The following EPCAM variants were observed in gnomAD, a reference collection of about 807,000 sequenced individuals.
The protein encoded by EPCAM is epithelial cell adhesion molecule.
Under a neutral mutation model 40.0 loss-of-function variants are expected in EPCAM, and 39 were observed. The ratio of observed to expected loss-of-function variants is 0.98; its 90% CI spans 0.76 to 1.27. The LOEUF (loss-of-function observed/expected upper bound fraction) is 1.27, where lower values mean the gene tolerates loss of function less well. Ranked by LOEUF, EPCAM falls within the 50% of genes most tolerant of loss-of-function variation. The pLI is 0.00. For missense variants in EPCAM, 503 were observed against 381.2 expected, an observed-to-expected ratio of 1.32 and a Z score of -2.66; for synonymous variants, 168 against 132.3, an observed-to-expected ratio of 1.27 and a Z score of -1.85.
chr2:47,375,356 C>T (rs750909734), intron 4 of EPCAM, 57 bp downstream of exon 4: 7 of 1,104,234 alleles, frequency 6.3e-6, no homozygotes, highest in African/African-American at 6.2e-5. Flanking sequence ...AATCTTCCAT[C>T]CTACACCATT....
chr2:47,370,600 C>A (rs1368905296), intron 1 of EPCAM, among the ~76,000 whole-genome samples: 1 of 143,854 alleles, frequency 7.0e-6, no homozygotes, highest in Admixed American at 6.9e-5. Flanking sequence ...TTTGAAACAG[C>A]CTTGTTCTGT....
rs1671352329 is a variant in EPCAM, at chr2:47,373,913, C to G, written c.290C>G (p.Pro97Arg). 6.2e-7 allele frequency: 1 copy of G among 1,614,048 alleles called. No homozygotes were observed. The highest frequency in any genetic ancestry group is 8.5e-7 in the Non-Finnish European group (1 of 1,180,022). ...CAGAACAATGATGGGCTTTATGATCCTGACTGCGATGAGAGCGGGCTCTTT... is the reference window on the plus strand; with the variant it reads ...CAGAACAATGATGGGCTTTATGATCGTGACTGCGATGAGAGCGGGCTCTTT... ...ALQNNDGLYD[P>R]DCDESGLFKA... is the part of the protein sequence containing the mutation. The change falls in exon 3 of 9, where the codon CCT (proline) becomes CGT (arginine). Residue 97 changes from proline to arginine, a missense_variant. Physicochemically the swap from Pro to Arg is moderately radical, Grantham distance 103. Transcript: ENST00000263735.
intron 4 of EPCAM, among the ~76,000 whole-genome samples, chr2:47,376,420 C>A (rs988497725): frequency 2.0e-5 from 3 of 151,946 alleles, no homozygotes; most frequent in Non-Finnish European, 4.4e-5. Context: ...CCATGCCTGG[C>A]TAATTTTTTT....
intron 4 of EPCAM, 108 bp from the exon 5 acceptor site, chr2:47,376,906 A>T: frequency 1.4e-6 from 1 of 716,896 alleles, no homozygotes; most frequent in Non-Finnish European, 2.4e-6. Flanking sequence ...AAAAATTTTA[A>T]CTTTAATGAC....
At chr2:47,380,612 A>G (rs751038578) in intron 7 of EPCAM, among the ~76,000 whole-genome samples, 13 of 152,244 alleles carry the variant, frequency 8.5e-5, no homozygotes, top group African/African-American at 2.9e-4. Flanking sequence ...ACTCAATAAG[A>G]TGGAACAACA....
At chr2:47,379,657 C>A (rs182423282) in intron 6 of EPCAM, 112 bp from the exon 7 acceptor site, 1 of 1,231,688 alleles carries the variant, frequency 8.1e-7, no homozygotes. Context: ...ATCACTAAAA[C>A]CATAAAGATT....
intron 5 of EPCAM, chr2:47,377,670 G>A (rs1427637355): frequency 3.1e-6 from 1 of 321,610 alleles, no homozygotes; most frequent in Non-Finnish European, 6.3e-6. Context: ...TGTCCCTGTG[G>A]ATGAGCTCCA....
chr2:47,370,295 TGA>T (rs1470940598), intron 1 of EPCAM, among the ~76,000 whole-genome samples: 2 of 152,200 alleles, frequency 1.3e-5, no homozygotes, highest in South Asian at 2.1e-4. Context: ...TTTTTGAGAC[TGA>T]GTCTTGCTCT....
At chr2:47,379,254 A>G (rs991423928) in intron 6 of EPCAM, among the ~76,000 whole-genome samples, 200 bp downstream of exon 6, 3 of 152,128 alleles carry the variant, frequency 2.0e-5, no homozygotes, top group African/African-American at 7.2e-5. Flanking sequence ...GTTCTGCCTA[A>G]AATATCTCCC....
chr2:47,376,944 A>C (rs1350311571), intron 4 of EPCAM, 70 bp from the exon 5 acceptor site: 4 of 1,039,034 alleles, frequency 3.8e-6, no homozygotes, highest in Non-Finnish European at 6.1e-6. Flanking sequence ...TGTCTGCTTA[A>C]AGAGTAGTGC....
intron 1 of EPCAM, among the ~76,000 whole-genome samples, chr2:47,370,526 C>A (rs995152690): frequency 6.6e-6 from 1 of 151,560 alleles, no homozygotes; most frequent in Non-Finnish European, 1.5e-5. Context: ...CCGCCCGCCT[C>A]GGCCTCCCAA....
At chr2:47,385,132 G>C (rs934664513) in intron 7 of EPCAM, 34 bp from the exon 8 acceptor site, 2 of 1,553,892 alleles carry the variant, frequency 1.3e-6, no homozygotes, top group Admixed American at 1.7e-5. Flanking sequence ...TTGAATAGCA[G>C]TCCTAAAACA....
rs2103747038 is a variant in EPCAM at position 47,373,834 on chromosome 2, G to T, written c.211G>T (p.Ala71Ser). ...KLAAKCLVMK[A>S]EMNGSKLGRR... ...GGCTGCCAAATGTTTGGTGATGAAG[G>T]CAGAAATGAATGGCTCAAAACTTGG... The change falls in exon 3 of 9, where the codon GCA (alanine) becomes TCA (serine). Residue 71 changes from alanine to serine, a missense_variant. Ala to Ser is a moderately conservative substitution (Grantham distance 99). Coordinates refer to ENST00000263735, the MANE Select transcript of EPCAM (RefSeq NM_002354.3). 1 of 1,614,070 alleles carries T rather than the reference G, an allele frequency of 6.2e-7. No individual in the cohort carries two copies. Among genetic ancestry groups the T allele is most frequent in the Non-Finnish European group, 8.5e-7 (1 of 1,180,036 alleles).
In EPCAM at chr2:47,385,197, A is replaced by G. The variant is rs1166683165; in HGVS notation, c.890A>G (p.Tyr297Cys). ...TCCAGAAAGAAGAGAATGGCAAAGT[A>G]TGAGAAGGCTGAGGTAAATGGATTA... ...VISRKKRMAK[Y>C]EKAEIKEMGE... Residue 297 changes from tyrosine (Y) to cysteine (C), a missense_variant, in exon 8 of 9, where the codon TAT becomes TGT. Transcript: ENST00000263735. 2.5e-6 allele frequency: 4 copies of G among 1,613,102 alleles called. No homozygotes were observed. Among genetic ancestry groups the G allele is most frequent in the Non-Finnish European group, 8.5e-7 (1 of 1,179,190 alleles).
chr2:47,385,304 C>T (rs1417458866), intron 8 of EPCAM, 94 bp downstream of exon 8: 11 of 1,003,854 alleles, frequency 1.1e-5, no homozygotes, highest in East Asian at 2.4e-5. Context: ...TTCAGTTATA[C>T]TGGAGTCCCT....
intron 2 of EPCAM, 103 bp downstream of exon 2, chr2:47,373,673 T>A (rs1671343678): frequency 6.9e-7 from 1 of 1,446,578 alleles, no homozygotes; most frequent in East Asian, 2.3e-5. Flanking sequence ...TAAATCTGAA[T>A]CATGTTACAA....
chr2:47,383,960 A>G (rs1671667709), intron 7 of EPCAM, among the ~76,000 whole-genome samples: 2 of 151,144 alleles, frequency 1.3e-5, no homozygotes, highest in Non-Finnish European at 2.9e-5. Context: ...TTCTTTAAAG[A>G]TTATTCATTG....
intron 1 of EPCAM, among the ~76,000 whole-genome samples, chr2:47,370,521 C>T (rs1336240208): frequency 6.6e-6 from 1 of 151,792 alleles, no homozygotes; most frequent in Non-Finnish European, 1.5e-5. Context: ...GTGATCCGCC[C>T]GCCTCGGCCT....
At position 47,369,339 on chromosome 2, in the gene EPCAM, C is replaced by T. The variant is rs1366610213; in HGVS notation, c.-167C>T. 3 of 1,279,584 alleles carry T rather than the reference C, an allele frequency of 2.3e-6. No homozygotes were observed. Among genetic ancestry groups the T allele is most frequent in the East Asian group, 3.1e-5 (1 of 31,980 alleles). The allele number at this position is 1,279,584 out of a possible 1,614,324, so 79.3% of individuals were successfully genotyped here. ...GAGCGCTAGTCCTTCGGCGAGCGAG[C>T]ACCTTCGACGCGGTCCGGGGACCCC... On this transcript the variant is annotated 5_prime_UTR_variant, in exon 1 of 9. Coordinates refer to ENST00000263735, the MANE Select transcript of EPCAM (RefSeq NM_002354.3).
Sources: gnomAD v4.1 joint callset for allele counts (sites outside exome capture counted in the v4.1 genomes callset) on GRCh38, gnomAD v4.1.1 for gene constraint, MANE v1.5 for transcripts, NCBI Gene and HGNC (gene_info 2026-07-23, HGNC 2026-07-21) for gene names.